NEXMIF: variants seen among roughly 807,000 people sequenced by gnomAD.
NEXMIF encodes XLMR protein related to neurite extension.
Under a neutral mutation model 62.1 loss-of-function variants are expected in NEXMIF, and 8 were observed. The observed-to-expected ratio is 0.13, with a 90% confidence interval of 0.08 to 0.23. The LOEUF (loss-of-function observed/expected upper bound fraction) is 0.23, where lower values mean the gene tolerates loss of function less well. NEXMIF is among the 10% of genes least tolerant of loss of function. NEXMIF has a pLI of 1.00. For missense variants in NEXMIF, 976 were observed against 1,113.3 expected, an observed-to-expected ratio of 0.88 and a Z score of 1.75; for synonymous variants, 404 against 416.6, an observed-to-expected ratio of 0.97 and a Z score of 0.37.
chrX:74,916,984 C>A (rs954219599), intron 1 of NEXMIF, among the ~76,000 whole-genome samples: 25 of 111,864 alleles, frequency 2.2e-4, no homozygotes, highest in Non-Finnish European at 3.8e-4. Flanking sequence ...CATTAATGGA[C>A]CCCTCCAGTC....
chrX:74,886,382 T>C (rs6647559), intron 1 of NEXMIF, among the ~76,000 whole-genome samples: 14,479 of 111,054 alleles, frequency 0.13, 1,580 homozygotes, highest in East Asian at 0.91. Flanking sequence ...GATGACATGA[T>C]TGCATATCTG....
intron 1 of NEXMIF, among the ~76,000 whole-genome samples, chrX:74,818,226 T>C (rs1602238435): frequency 9.0e-6 from 1 of 111,487 alleles, no homozygotes. Flanking sequence ...TTTCAAACTA[T>C]ACTACAAGGT....
chrX:74,796,209 T>TTATATATATACACATATATAATA (rs1556024039), intron 1 of NEXMIF, among the ~76,000 whole-genome samples: 39 of 46,615 alleles, frequency 8.4e-4, no homozygotes, highest in Non-Finnish European at 1.5e-3. Flanking sequence ...TACATATATA[T>TTATATATATACACATATATAATA]TATATATATA....
chrX:74,823,193 A>C (rs1172663567), intron 1 of NEXMIF, among the ~76,000 whole-genome samples: 1 of 111,946 alleles, frequency 8.9e-6, no homozygotes, highest in Non-Finnish European at 1.9e-5. Flanking sequence ...TAGGATCAGA[A>C]ATGGTGGGGA....
chrX:74,912,802 C>T (rs1196860587), intron 1 of NEXMIF, among the ~76,000 whole-genome samples: 1 of 111,625 alleles, frequency 9.0e-6, no homozygotes, highest in Admixed American at 9.5e-5. Flanking sequence ...ACTAACCATA[C>T]ATGGCTACCA....
intron 2 of NEXMIF, among the ~76,000 whole-genome samples, chrX:74,745,205 ACTC>A (rs1367343102): frequency 1.8e-5 from 2 of 109,760 alleles, no homozygotes; most frequent in Admixed American, 2.0e-4. Context: ...CTGGTCTCGA[ACTC>A]CTGACCTCAA....
rs1441910031 is a variant in NEXMIF, at chrX:74,749,016, A to G, written c.-47-3319T>C. Among the ~76,000 whole-genome samples, 20 of 112,075 alleles carry G rather than the reference A, an allele frequency of 1.8e-4. No homozygotes were observed. In the Admixed American group the frequency reaches 1.9e-3, roughly 11 times the overall value. On this transcript the variant is annotated intron_variant, in intron 1 of 3. Transcript: ENST00000055682. ...GTGATCACAGTATTCTATCAAGTAC[A>G]GCATAGAAAAGACAGATAAATGAGG...
At chrX:74,800,853 ACT>A (rs1406858766) in intron 1 of NEXMIF, among the ~76,000 whole-genome samples, 1 of 110,308 alleles carries the variant, frequency 9.1e-6, no homozygotes, top group East Asian at 2.8e-4. Context: ...ATTAAGACTC[ACT>A]CTTTGTGTTG....
At chrX:74,889,756 T>C (rs994194254) in intron 1 of NEXMIF, among the ~76,000 whole-genome samples, 3 of 111,523 alleles carry the variant, frequency 2.7e-5, no homozygotes, top group Non-Finnish European at 5.7e-5. Context: ...TTAAAAGATC[T>C]ACACTGGTAG....
In NEXMIF at chrX:74,734,370, C is replaced by T. The variant is rs982914045; in HGVS notation, c.*5035G>A. The stretch of plus-strand genomic sequence containing the variant: ...AGGCAGCAAACTCCAGTCAGTGCTA[C>T]AGGTAGCCCAGTAGAGCATCTTAAG... On this transcript the variant is annotated 3_prime_UTR_variant, in exon 4 of 4. Coordinates refer to ENST00000055682, the MANE Select transcript of NEXMIF (RefSeq NM_001008537.3). 8.9e-6 allele frequency: 1 copy of T among 112,195 alleles called. No individual in the cohort carries two copies. The highest frequency in any genetic ancestry group is 1.9e-5 in the Non-Finnish European group (1 of 53,159). The allele number at this position is 112,195 out of a possible 1,213,427, so 9.2% of individuals were successfully genotyped here.
intron 1 of NEXMIF, among the ~76,000 whole-genome samples, chrX:74,866,438 T>C (rs1261639795): frequency 8.9e-6 from 1 of 111,842 alleles, no homozygotes; most frequent in African/African-American, 3.3e-5. Context: ...GGACTTGTCT[T>C]GTCTCAGATG....
chrX:74,851,253 C>T (rs1193398650), intron 1 of NEXMIF, among the ~76,000 whole-genome samples: 1 of 111,040 alleles, frequency 9.0e-6, no homozygotes, highest in Non-Finnish European at 1.9e-5. Flanking sequence ...AAATACTTGA[C>T]CTTCAGTGTT....
At chrX:74,916,986 C>A (rs1402934356) in intron 1 of NEXMIF, among the ~76,000 whole-genome samples, 1 of 111,752 alleles carries the variant, frequency 8.9e-6, no homozygotes, top group Non-Finnish European at 1.9e-5. Context: ...TTAATGGACC[C>A]CTCCAGTCTT....
intron 1 of NEXMIF, among the ~76,000 whole-genome samples, chrX:74,837,865 C>G (rs1379943033): frequency 8.9e-6 from 1 of 111,879 alleles, no homozygotes; most frequent in African/African-American, 3.3e-5. Flanking sequence ...GGAAAAAAAA[C>G]TGAGCTTATG....
At chrX:74,757,046 T>C (rs2080161485) in intron 1 of NEXMIF, among the ~76,000 whole-genome samples, 1 of 111,877 alleles carries the variant, frequency 8.9e-6, no homozygotes, top group East Asian at 2.8e-4. Context: ...AACTACAGTG[T>C]ACACTTACCT....
intron 1 of NEXMIF, among the ~76,000 whole-genome samples, chrX:74,877,079 C>T (rs1197915464): frequency 9.0e-6 from 1 of 111,613 alleles, no homozygotes; most frequent in Non-Finnish European, 1.9e-5. Context: ...GCAGTTTCTT[C>T]CTAGTCTTGA....
At chrX:74,918,880 T>C (rs746234117) in intron 1 of NEXMIF, among the ~76,000 whole-genome samples, 1 of 112,552 alleles carries the variant, frequency 8.9e-6, no homozygotes, top group African/African-American at 3.2e-5. Flanking sequence ...AAGCCAATCA[T>C]GGATACTGGG....
intron 1 of NEXMIF, among the ~76,000 whole-genome samples, chrX:74,840,695 T>TA (rs1482594372): frequency 8.9e-6 from 1 of 112,040 alleles, no homozygotes; most frequent in Non-Finnish European, 1.9e-5. Context: ...CAATCTTCTG[T>TA]ATATGGCTAG....
chrX:74,851,590 G>GAA (rs372274176), intron 1 of NEXMIF, among the ~76,000 whole-genome samples: 3 of 102,216 alleles, frequency 2.9e-5, no homozygotes, highest in Admixed American at 1.1e-4. Flanking sequence ...GTGCTTAAAG[G>GAA]AAAAAAAAAA....
Sources: gnomAD v4.1 joint callset for allele counts (sites outside exome capture counted in the v4.1 genomes callset) on GRCh38, gnomAD v4.1.1 for gene constraint, MANE v1.5 for transcripts, NCBI Gene and HGNC (gene_info 2026-07-23, HGNC 2026-07-21) for gene names.